POLE2: variants seen among roughly 807,000 people sequenced by gnomAD.
The protein encoded by POLE2 is DNA polymerase epsilon 2, accessory subunit.
Under a neutral mutation model 79.4 loss-of-function variants are expected in POLE2, and 56 were observed. The ratio of observed to expected loss-of-function variants is 0.71; its 90% CI spans 0.57 to 0.88. POLE2 has a LOEUF of 0.88. Among genes scored for constraint, POLE2 ranks in the 40% least tolerant of loss-of-function variants. The probability of loss-of-function intolerance (pLI) is 0.00; values close to 1 mark genes in which losing one functional copy is unlikely to be tolerated. For missense variants in POLE2, 598 were observed against 638.9 expected (o/e 0.94, Z 0.69); for synonymous variants, 212 against 214.0 (o/e 0.99, Z 0.08).
intron 1 of POLE2, among the ~76,000 whole-genome samples, chr14:49,686,082 T>A (rs1371853700): frequency 6.6e-6 from 1 of 152,166 alleles, no homozygotes; most frequent in Non-Finnish European, 1.5e-5. Context: ...AAAATAGTCA[T>A]TTAATATCCA....
rs995793243 is a variant in POLE2, at chr14:49,656,611, A to G, written c.756-768T>C. Reference sequence around the variant, plus strand: ...TTCCTTCAAAGCTTGGTTTTATTCAATGCTCACCAAGCAAGGGTCAGTAGG... The same window carrying G: ...TTCCTTCAAAGCTTGGTTTTATTCAGTGCTCACCAAGCAAGGGTCAGTAGG... On this transcript the variant is annotated intron_variant, in intron 10 of 18. Transcript: ENST00000216367. Among the ~76,000 whole-genome samples the G allele has an allele frequency of 5.3e-5, 8 of 152,262 alleles. No homozygotes were observed. In the East Asian group the frequency reaches 5.8e-4, roughly 11 times the overall value.
At chr14:49,657,939 G>C (rs1377191811) in intron 10 of POLE2, among the ~76,000 whole-genome samples, 1 of 152,110 alleles carries the variant, frequency 6.6e-6, no homozygotes, top group Non-Finnish European at 1.5e-5. Context: ...AATGTTAAGT[G>C]ACTTATCTGA....
Position 49,655,616 on chromosome 14 carries a change from T to A in POLE2, c.928+55A>T. On this transcript the variant is annotated intron_variant, in intron 11 of 18. Transcript: ENST00000216367. ...AGATAAATAGAATACTCAAAAAGTT[T>A]TAAAACATGAACCCTTAAAAGAGTT... is the stretch of plus-strand genomic sequence containing the variant. 4.0e-6 allele frequency: 5 copies of A among 1,253,616 alleles called. 1 individual carries two copies. The South Asian group carries it at 7.0e-5, about 17-fold the overall frequency. 77.7% of individuals were successfully genotyped at this position (1,253,616 alleles called of 1,614,324 possible).
chr14:49,666,017 G>A (rs906734898), intron 7 of POLE2, among the ~76,000 whole-genome samples: 39 of 151,998 alleles, frequency 2.6e-4, no homozygotes, highest in Admixed American at 4.6e-4. Flanking sequence ...GTAGAGACAG[G>A]GTTTCTCCAT....
chr14:49,649,982 G>A (rs545569086), intron 17 of POLE2: 93 of 180,058 alleles, frequency 5.2e-4, no homozygotes, highest in African/African-American at 2.0e-3. Context: ...CCCAAGATAA[G>A]TTCTGAAGAG....
rs778970856 is a variant in POLE2 at position 49,665,112 on chromosome 14, T to C, written c.628A>G (p.Lys210Glu). 2.2e-6 allele frequency: 3 copies of C among 1,368,366 alleles called. No individual in the cohort carries two copies. Among genetic ancestry groups the C allele is most frequent in the African/African-American group, 2.9e-5 (2 of 67,852 alleles). 84.8% of individuals were successfully genotyped at this position (1,368,366 alleles called of 1,614,324 possible). A position where few individuals can be genotyped will look rare whatever the true frequency, so the allele number is the denominator to read the frequency against. Reference sequence around the variant, plus strand: ...TACAGACAAGTGAAGGATATAGCTTTACTAAGGTCTAGTTGGACTGTTCCA... The same window carrying C: ...TACAGACAAGTGAAGGATATAGCTTCACTAAGGTCTAGTTGGACTGTTCCA... ...PTGTVQLDLSKAQFHSGLYTE... is the reference protein window; with the variant it reads ...PTGTVQLDLSEAQFHSGLYTE... Residue 210 changes from lysine (K) to glutamate (E), a missense_variant, in exon 8 of 19, where the codon AAA (lysine) becomes GAA (glutamate). Coordinates refer to ENST00000216367, the MANE Select transcript of POLE2 (RefSeq NM_002692.4).
intron 3 of POLE2, chr14:49,677,980 CTTTAT>C (rs1293978317): frequency 6.4e-4 from 143 of 222,978 alleles, no homozygotes; most frequent in Non-Finnish European, 7.1e-4. Context: ...CCCATTCTTT[CTTTAT>C]TTTATTTTAT....
chr14:49,652,089 T>C (rs540063409), intron 15 of POLE2, among the ~76,000 whole-genome samples: 1 of 152,066 alleles, frequency 6.6e-6, no homozygotes, highest in African/African-American at 2.4e-5. Flanking sequence ...GGTCCCTTTT[T>C]CCAGGATCGG....
chr14:49,668,105 C>G (rs1349055116), intron 6 of POLE2, among the ~76,000 whole-genome samples: 1 of 151,956 alleles, frequency 6.6e-6, no homozygotes, highest in Non-Finnish European at 1.5e-5. Context: ...AACCCCATCT[C>G]TACTAAAAAT....
At chr14:49,677,304 T>C in intron 3 of POLE2, 1 of 545,404 alleles carries the variant, frequency 1.8e-6, no homozygotes, top group Non-Finnish European at 3.4e-6. Context: ...TACTGTGGAA[T>C]GGAGAGAAAG....
At chr14:49,668,055 T>G (rs533140254) in intron 6 of POLE2, among the ~76,000 whole-genome samples, 96 of 152,210 alleles carry the variant, frequency 6.3e-4, no homozygotes, top group Non-Finnish European at 1.9e-4. Flanking sequence ...GCGGATCACT[T>G]GAGGTCAGGA....
rs3218795 is a variant in POLE2, at chr14:49,665,214, T to C, written c.577-51A>G. On this transcript the variant is annotated intron_variant, in intron 7 of 18. Transcript: ENST00000216367. The stretch of plus-strand genomic sequence containing the variant: ...CACATTTATGTAACAATGAAAACCG[T>C]TGACAAAAAAATTAAACTACAAGTT... 0.14 allele frequency: 109,116 copies of C among 777,006 alleles called. 9,204 individuals carry two copies. Among genetic ancestry groups the C allele is most frequent in the Non-Finnish European group, 0.17 (78,428 of 450,896 alleles). The allele number at this position is 777,006 out of a possible 1,614,324, so 48.1% of individuals were successfully genotyped here.
intron 15 of POLE2, among the ~76,000 whole-genome samples, chr14:49,651,654 C>T (rs1293651294): frequency 2.0e-5 from 3 of 151,968 alleles, no homozygotes; most frequent in Middle Eastern, 3.4e-3. Context: ...AAATAAAAAG[C>T]GAACATAATC....
chr14:49,658,463 A>G (rs978092385), intron 10 of POLE2, among the ~76,000 whole-genome samples: 1 of 152,190 alleles, frequency 6.6e-6, no homozygotes, highest in Admixed American at 6.5e-5. Flanking sequence ...AGGTGACTCA[A>G]AATTTTTTGC....
chr14:49,688,055 C>T (rs933372747), intron 1 of POLE2, 81 bp downstream of exon 1: 19 of 1,198,630 alleles, frequency 1.6e-5, no homozygotes, highest in Non-Finnish European at 1.9e-5. Flanking sequence ...GGGGAGCCGC[C>T]GCGGTGCGTC....
chr14:49,655,150 A>C, intron 11 of POLE2, 56 bp from the exon 12 acceptor site: 1 of 733,092 alleles, frequency 1.4e-6, no homozygotes, highest in Non-Finnish European at 2.1e-6. Flanking sequence ...ATCAAGTTAA[A>C]AACCCTTTAA....
At chr14:49,645,661 C>A (rs1883707723) in intron 18 of POLE2, among the ~76,000 whole-genome samples, 1 of 152,224 alleles carries the variant, frequency 6.6e-6, no homozygotes, top group Admixed American at 6.5e-5. Flanking sequence ...AGCTGTCACC[C>A]AGGCTGGAGT....
At chr14:49,671,734 C>T (rs1885913972) in intron 5 of POLE2, among the ~76,000 whole-genome samples, 1 of 151,316 alleles carries the variant, frequency 6.6e-6, no homozygotes, top group Admixed American at 6.6e-5. Context: ...GTGGGCAGAT[C>T]ACTTGAGGTC....
Position 49,650,343 on chromosome 14 carries a change from A to C in POLE2, c.1419T>G (p.Pro473=), listed in dbSNP as rs747791336. ...CTGCAATGACAAGTAGATCGGGCAC[A>C]GGATACACTCTCAAAGCATAGTCAT... The part of the protein sequence containing the change: ...WAYDYALRVY[P]VPDLLVIADK... The change falls in exon 17 of 19, where the codon CCT becomes CCG. Residue 473 remains proline (P), a synonymous_variant. Transcript: ENST00000216367. 1 of 1,611,506 alleles carries C rather than the reference A, an allele frequency of 6.2e-7. No homozygotes were observed. Among genetic ancestry groups the C allele is most frequent in the South Asian group, 1.1e-5 (1 of 90,790 alleles).
Sources: gnomAD v4.1 joint callset for allele counts (sites outside exome capture counted in the v4.1 genomes callset) on GRCh38, gnomAD v4.1.1 for gene constraint, MANE v1.5 for transcripts, NCBI Gene and HGNC (gene_info 2026-07-23, HGNC 2026-07-21) for gene names.